Variants in ELP1 observed in about 807,000 individuals in gnomAD.
ELP1 encodes the protein elongator acetyltransferase complex subunit 1.
Under a neutral mutation model 183.2 loss-of-function variants are expected in ELP1, and 131 were observed. That is an observed-to-expected ratio of 0.72 (90% CI 0.62 to 0.83). The LOEUF (loss-of-function observed/expected upper bound fraction) is 0.83. Ranked by LOEUF, ELP1 falls within the 40% of genes least tolerant of loss-of-function variation. ELP1 has a pLI of 0.00. For synonymous variants in ELP1, 555 were observed against 569.0 expected, an observed-to-expected ratio of 0.98 and a Z score of 0.35; for missense variants, 1,550 against 1,594.9, an observed-to-expected ratio of 0.97 and a Z score of 0.48.
chr9:108,928,892 A>G (rs889068996), intron 3 of ELP1, among the ~76,000 whole-genome samples: 1 of 152,256 alleles, frequency 6.6e-6, no homozygotes, highest in African/African-American at 2.4e-5. Flanking sequence ...GAGGTGCCAG[A>G]TTTAGACTGC....
chr9:108,906,538 T>C lies in ELP1; in HGVS notation c.1461-53A>G, dbSNP rs144983738. 43 of 1,485,128 alleles carry C rather than the reference T, an allele frequency of 2.9e-5. No homozygotes were observed. The African/African-American group carries it at 5.1e-4, about 18-fold the overall frequency. 92.0% of individuals were successfully genotyped at this position (1,485,128 alleles called of 1,614,324 possible). On this transcript the variant is annotated intron_variant, in intron 13 of 36. Transcript: ENST00000374647. ...GACATGAATAAAACTTAAAAACCACTGAGACGTTCCTGGATGAAGGAAGAC... is the reference window on the plus strand; with the variant it reads ...GACATGAATAAAACTTAAAAACCACCGAGACGTTCCTGGATGAAGGAAGAC...
chr9:108,901,716 C>A, intron 16 of ELP1, 35 bp from the exon 17 acceptor site: 2 of 1,602,528 alleles, frequency 1.2e-6, no homozygotes, highest in Non-Finnish European at 1.7e-6. Flanking sequence ...ACAAGCAATT[C>A]TATCTCAAAT....
At chr9:108,927,783 C>T (rs1363893077) in intron 3 of ELP1, among the ~76,000 whole-genome samples, 1 of 152,090 alleles carries the variant, frequency 6.6e-6, no homozygotes, top group Non-Finnish European at 1.5e-5. Context: ...ATAAACCAGA[C>T]ACAAAAAGAC....
chr9:108,878,521 T>C (rs1827786365), intron 34 of ELP1, 102 bp downstream of exon 34: 4 of 1,490,166 alleles, frequency 2.7e-6, no homozygotes, highest in Non-Finnish European at 2.8e-6. Flanking sequence ...TTTCCTCAAA[T>C]TGGGAAAATG....
At chr9:108,910,967 G>T in intron 12 of ELP1, 43 bp downstream of exon 12, 1 of 1,580,408 alleles carries the variant, frequency 6.3e-7, no homozygotes, top group Non-Finnish European at 8.7e-7. Context: ...AGGAGTAGAA[G>T]GGACTTGATT....
Position 108,891,246 on chromosome 9 carries a change from G to A in ELP1, c.3117C>T (p.Asn1039=). ...KQALCVAAQL[N]FTKDQLVGLG... is the part of the protein sequence containing the mutation. The stretch of plus-strand genomic sequence containing the variant: ...GGCCCACCAGCTGGTCTTTGGTAAA[G>A]TTAAGCTGGGCTGCCACACAGAGGG... Residue 1039 remains asparagine (N), a synonymous_variant, in exon 28 of 37, where the codon AAC becomes AAT. Transcript: ENST00000374647. The A allele has an allele frequency of 6.2e-7, 1 of 1,614,230 alleles. No individual in the cohort carries two copies. Among genetic ancestry groups the A allele is most frequent in the Non-Finnish European group, 8.5e-7 (1 of 1,180,044 alleles).
At position 108,906,465 on chromosome 9, in the gene ELP1, T is replaced by C; in HGVS notation, c.1481A>G (p.Glu494Gly). 6.2e-7 allele frequency: 1 copy of C among 1,613,778 alleles called. No homozygotes were observed. The highest frequency in any genetic ancestry group is 8.5e-7 in the Non-Finnish European group (1 of 1,179,638). ...KRYKIQFENN[E>G]DQDVNPLKLG... ...TTTCAGCGGGTTTACATCTTGATCT[T>C]CATTATTCTCAAACTGGATTCTATT... Residue 494 changes from glutamate to glycine, a missense_variant, in exon 14 of 37, where the codon GAA becomes GGA. Glu to Gly is a moderately conservative substitution (Grantham distance 98). Transcript: ENST00000374647.
At chr9:108,896,686 G>T in intron 24 of ELP1, 42 bp from the exon 25 acceptor site, 1 of 1,597,826 alleles carries the variant, frequency 6.3e-7, no homozygotes, top group South Asian at 1.1e-5. Flanking sequence ...AATCATTTGG[G>T]GAAAAAATCC....
intron 20 of ELP1, 140 bp downstream of exon 20, chr9:108,899,681 AG>A: frequency 6.1e-6 from 4 of 659,128 alleles, no homozygotes; most frequent in South Asian, 1.8e-5. Flanking sequence ...AAAAAAAAAA[AG>A]AGCCTCTAAG....
intron 9 of ELP1, among the ~76,000 whole-genome samples, chr9:108,917,084 T>C (rs186394264): frequency 1.8e-3 from 275 of 152,340 alleles, no homozygotes; most frequent in African/African-American, 6.1e-3. Flanking sequence ...AAAAACAATA[T>C]TTTATTAAAT....
intron 24 of ELP1, 143 bp from the exon 25 acceptor site, chr9:108,896,787 T>C: frequency 9.7e-7 from 1 of 1,032,744 alleles, no homozygotes; most frequent in Non-Finnish European, 1.5e-6. Flanking sequence ...CTTTTATATA[T>C]GCTTTAGAGG....
chr9:108,897,316 A>G (rs200472265), intron 22 of ELP1, 31 bp from the exon 23 acceptor site: 1 of 1,613,268 alleles, frequency 6.2e-7, no homozygotes, highest in African/African-American at 1.3e-5. Flanking sequence ...AATGGTCATC[A>G]ACAGAACATG....
At chr9:108,924,183 A>C (rs1279236164) in intron 5 of ELP1, among the ~76,000 whole-genome samples, 2 of 152,242 alleles carry the variant, frequency 1.3e-5, no homozygotes, top group Admixed American at 1.3e-4. Context: ...ACTACAGCCT[A>C]CATCTGCTTT....
At chr9:108,910,640 C>T (rs1309708961) in intron 12 of ELP1, among the ~76,000 whole-genome samples, 2 of 151,906 alleles carry the variant, frequency 1.3e-5, no homozygotes, top group Non-Finnish European at 2.9e-5. Flanking sequence ...AGAGGAAAAC[C>T]CCATCTCTGA....
At chr9:108,906,033 T>C (rs1484984188) in intron 14 of ELP1, among the ~76,000 whole-genome samples, 10 of 152,164 alleles carry the variant, frequency 6.6e-5, no homozygotes, top group Non-Finnish European at 1.5e-5. Context: ...AAAATGTGGG[T>C]AGATGCTAAA....
chr9:108,885,515 TG>T (rs113777931), intron 29 of ELP1, among the ~76,000 whole-genome samples: 138,613 of 151,980 alleles, frequency 0.91, 63,395 homozygotes, highest in African/African-American at 0.94. Flanking sequence ...GAACTAATAG[TG>T]GAAAAGCTTT....
intron 18 of ELP1, among the ~76,000 whole-genome samples, chr9:108,900,971 T>C (rs1362348548): frequency 3.4e-5 from 5 of 149,108 alleles, no homozygotes; most frequent in Admixed American, 2.7e-4. Context: ...CACACACACA[T>C]ACACGCCACA....
At chr9:108,886,983 C>A (rs1056560949) in intron 29 of ELP1, among the ~76,000 whole-genome samples, 2 of 150,808 alleles carry the variant, frequency 1.3e-5, no homozygotes, top group Non-Finnish European at 2.9e-5. Flanking sequence ...CTGAGACAGG[C>A]GAATTGCTTG....
intron 29 of ELP1, 52 bp from the exon 30 acceptor site, chr9:108,882,239 C>T: frequency 6.5e-7 from 1 of 1,529,280 alleles, no homozygotes; most frequent in Non-Finnish European, 9.0e-7. Flanking sequence ...TGTCAGATGT[C>T]ATCACAGCCA....
Sources: gnomAD v4.1 joint callset for allele counts (sites outside exome capture counted in the v4.1 genomes callset) on GRCh38, gnomAD v4.1.1 for gene constraint, MANE v1.5 for transcripts, NCBI Gene and HGNC (gene_info 2026-07-23, HGNC 2026-07-21) for gene names.